Variants in EYS observed in about 807,000 individuals in gnomAD.
EYS encodes the protein EGF-like photoreceptor maintenance factor.
EYS carries 250 observed loss-of-function variants against 282.1 expected under a neutral mutation model. The ratio of observed to expected loss-of-function variants is 0.89; its 90% CI spans 0.80 to 0.98. EYS has a LOEUF of 0.98. EYS is among the 50% of genes least tolerant of loss of function. The pLI is 0.00. For missense variants in EYS, 4,016 were observed against 3,709.0 expected, an observed-to-expected ratio of 1.08 and a Z score of -2.15; for synonymous variants, 1,355 against 1,282.9, an observed-to-expected ratio of 1.06 and a Z score of -1.20.
intron 36 of EYS, among the ~76,000 whole-genome samples, chr6:63,836,401 G>T (rs1478362158): frequency 2.7e-5 from 4 of 150,922 alleles, no homozygotes; most frequent in African/African-American, 9.7e-5. Flanking sequence ...ATAAGAAAAA[G>T]AAAAAAAAGA....
intron 22 of EYS, among the ~76,000 whole-genome samples, chr6:64,664,413 T>C (rs953889948): frequency 5.9e-5 from 9 of 152,216 alleles, no homozygotes; most frequent in Non-Finnish European, 1.3e-4. Context: ...TGCAGTCACC[T>C]TCCCAGCAAG....
At chr6:64,828,607 T>G (rs1297627001) in intron 19 of EYS, among the ~76,000 whole-genome samples, 1 of 151,952 alleles carries the variant, frequency 6.6e-6, no homozygotes, top group Non-Finnish European at 1.5e-5. Context: ...TCTGGGTAGT[T>G]GTAGAGATGA....
chr6:65,241,639 A>G (rs1455138737), intron 12 of EYS, among the ~76,000 whole-genome samples: 2 of 152,050 alleles, frequency 1.3e-5, no homozygotes, highest in African/African-American at 2.4e-5. Flanking sequence ...GATATATTGT[A>G]TCTTTGCTTA....
At chr6:64,589,319 T>G (rs918036395) in intron 26 of EYS, among the ~76,000 whole-genome samples, 2 of 152,042 alleles carry the variant, frequency 1.3e-5, no homozygotes, top group Non-Finnish European at 2.9e-5. Context: ...TAAAACCTTT[T>G]AAACGTTGGG....
At chr6:63,964,563 A>C (rs1011912333) in intron 35 of EYS, among the ~76,000 whole-genome samples, 110 of 152,304 alleles carry the variant, frequency 7.2e-4, no homozygotes, top group African/African-American at 2.4e-3. Context: ...GCTTTCTTAC[A>C]GATGGAATCC....
chr6:64,540,716 T>TCAGGTGACC (rs1764674921), intron 26 of EYS, among the ~76,000 whole-genome samples: 1 of 152,090 alleles, frequency 6.6e-6, no homozygotes, highest in Non-Finnish European at 1.5e-5. Flanking sequence ...ACTCCTTACC[T>TCAGGTGACC]CAGGTGACCC....
At chr6:64,648,207 C>T (rs1202132827) in intron 22 of EYS, among the ~76,000 whole-genome samples, 1 of 152,142 alleles carries the variant, frequency 6.6e-6, no homozygotes, top group East Asian at 1.9e-4. Flanking sequence ...AAACTAGGGG[C>T]AGAAACAGCT....
At chr6:64,832,994 C>T (rs535935754) in intron 19 of EYS, among the ~76,000 whole-genome samples, 51 of 151,972 alleles carry the variant, frequency 3.4e-4, no homozygotes, top group African/African-American at 1.2e-3. Context: ...TCATTGAGCT[C>T]CAACCATTAG....
intron 11 of EYS, among the ~76,000 whole-genome samples, chr6:65,324,963 C>T (rs1769579673): frequency 6.6e-6 from 1 of 152,100 alleles, no homozygotes; most frequent in South Asian, 2.1e-4. Flanking sequence ...GATATTTTAG[C>T]ACAGTGGATT....
At chr6:64,281,424 T>A (rs956800430) in intron 30 of EYS, among the ~76,000 whole-genome samples, 2 of 152,114 alleles carry the variant, frequency 1.3e-5, no homozygotes, top group Non-Finnish European at 2.9e-5. Context: ...ATGAATTGCA[T>A]CATTTAAACT....
chr6:64,106,865 C>T (rs961330138), intron 31 of EYS, among the ~76,000 whole-genome samples: 6 of 151,552 alleles, frequency 4.0e-5, no homozygotes, highest in African/African-American at 1.5e-4. Context: ...TCTTTTTTCC[C>T]AGTCTTTTTT....
Position 65,371,743 on chromosome 6 carries a change from G to C in EYS, c.1299+12643C>G, listed in dbSNP as rs201158653. Among the ~76,000 whole-genome samples the C allele has an allele frequency of 2.0e-3, 97 of 48,092 alleles. 1 individual carries two copies. In the Middle Eastern group the frequency reaches 0.037, roughly 18 times the overall value. 31.6% of individuals were successfully genotyped at this position (48,092 alleles called of 152,430 possible). ...TCTCTCTCTCTCTCTCTCTCTCTCT[G>C]TGTGTGTGTGTGTGTGTGTGTGTGT... On this transcript the variant is annotated intron_variant, in intron 8 of 42. Coordinates refer to ENST00000503581, the MANE Select transcript of EYS (RefSeq NM_001142800.2).
chr6:64,867,259 A>G (rs1415082141), intron 19 of EYS, among the ~76,000 whole-genome samples: 2 of 151,698 alleles, frequency 1.3e-5, no homozygotes, highest in Non-Finnish European at 3.0e-5. Flanking sequence ...TCTACAGATG[A>G]ATTATGTTTC....
intron 12 of EYS, among the ~76,000 whole-genome samples, chr6:65,208,743 A>G (rs1215977677): frequency 8.1e-6 from 1 of 123,012 alleles, no homozygotes; most frequent in Non-Finnish European, 1.7e-5. Context: ...GTGGGAGCTA[A>G]ACAATGGGAA....
chr6:63,948,238 G>C (rs188635981), intron 35 of EYS, among the ~76,000 whole-genome samples: 60 of 152,266 alleles, frequency 3.9e-4, no homozygotes, highest in African/African-American at 1.4e-3. Context: ...TTTCTTTGTA[G>C]AAGCTGCCAT....
At chr6:64,314,465 G>C (rs1444313881) in intron 29 of EYS, among the ~76,000 whole-genome samples, 2 of 151,868 alleles carry the variant, frequency 1.3e-5, no homozygotes, top group Non-Finnish European at 2.9e-5. Flanking sequence ...GTCAATATTA[G>C]ATGAATGAGA....
chr6:64,347,584 G>C (rs1771457700), intron 29 of EYS, among the ~76,000 whole-genome samples: 1 of 86,994 alleles, frequency 1.1e-5, no homozygotes, highest in Non-Finnish European at 2.5e-5. Context: ...TATGTTTGAA[G>C]ATACGCAAAG....
In EYS at chr6:64,992,003, C is replaced by T. The variant is rs1021488542; in HGVS notation, c.2259+5579G>A. ...TCAATGATTTTCAAATAGAAGTACACATCAAAATCACAAGGCGTTATAAAT... is the reference window on the plus strand; with the variant it reads ...TCAATGATTTTCAAATAGAAGTACATATCAAAATCACAAGGCGTTATAAAT... On this transcript the variant is annotated intron_variant, in intron 14 of 42. Transcript: ENST00000503581. Among the ~76,000 whole-genome samples, 28 of 151,672 alleles carry T rather than the reference C, an allele frequency of 1.8e-4. No individual in the cohort carries two copies. The Admixed American group carries it at 1.8e-3, about 10-fold the overall frequency.
At chr6:64,854,481 C>T (rs1174435155) in intron 19 of EYS, among the ~76,000 whole-genome samples, 4 of 151,486 alleles carry the variant, frequency 2.6e-5, no homozygotes, top group Admixed American at 6.6e-5. Context: ...TCTCAGCAAA[C>T]TATCACAAGG....
Sources: allele counts gnomAD v4.1 joint callset (sites outside exome capture counted in the v4.1 genomes callset), GRCh38; gene constraint gnomAD v4.1.1; transcripts MANE v1.5; gene names NCBI Gene and HGNC (gene_info 2026-07-23, HGNC 2026-07-21).